DENND1A: variants seen among roughly 807,000 people sequenced by gnomAD.
DENND1A encodes the protein DENN domain-containing protein 1A.
In DENND1A, 51 loss-of-function variants were observed where a neutral mutation model predicts 113.7. That is an observed-to-expected ratio of 0.45 (90% confidence interval 0.36 to 0.57). The LOEUF (loss-of-function observed/expected upper bound fraction) is 0.57. Among genes scored for constraint, DENND1A ranks in the 20% least tolerant of loss-of-function variants. The pLI, the probability that DENND1A is intolerant of heterozygous loss-of-function variation, is 0.00. For synonymous variants in DENND1A, 565 were observed against 570.8 expected, an observed-to-expected ratio of 0.99 and a Z score of 0.14; for missense variants, 1,258 against 1,395.9, an observed-to-expected ratio of 0.90 and a Z score of 1.57.
intron 16 of DENND1A, among the ~76,000 whole-genome samples, chr9:123,453,036 G>A (rs780556652): frequency 5.9e-5 from 9 of 152,148 alleles, no homozygotes; most frequent in Non-Finnish European, 1.0e-4. Context: ...AGGCCTTCCC[G>A]CTCCTAAAAG....
chr9:123,458,004 C>T (rs2048266474), intron 13 of DENND1A, 107 bp from the exon 14 acceptor site: 12 of 568,112 alleles, frequency 2.1e-5, no homozygotes, highest in East Asian at 3.4e-5. Flanking sequence ...TTTTCTTTTC[C>T]TTTTTTTTTT....
At chr9:123,571,873 A>G (rs2136359432) in intron 12 of DENND1A, among the ~76,000 whole-genome samples, 1 of 152,322 alleles carries the variant, frequency 6.6e-6, no homozygotes, top group Non-Finnish European at 1.5e-5. Flanking sequence ...AGATATTGAC[A>G]AACTGTTTTC....
intron 11 of DENND1A, among the ~76,000 whole-genome samples, chr9:123,589,310 T>C (rs918744275): frequency 1.3e-5 from 2 of 152,016 alleles, no homozygotes; most frequent in African/African-American, 2.4e-5. Context: ...TTCCTAGAAG[T>C]GGAATTTAGT....
chr9:123,624,330 G>T (rs1366558220), intron 10 of DENND1A, among the ~76,000 whole-genome samples: 1 of 152,182 alleles, frequency 6.6e-6, no homozygotes, highest in Non-Finnish European at 1.5e-5. Context: ...GGGCATAATA[G>T]AATGAAGTTA....
At chr9:123,860,798 C>T (rs1844953021) in intron 2 of DENND1A, among the ~76,000 whole-genome samples, 1 of 152,216 alleles carries the variant, frequency 6.6e-6, no homozygotes, top group Admixed American at 6.5e-5. Context: ...CTTTACAGTG[C>T]TCGGCACCAC....
At chr9:123,929,619 G>A (rs6478632) in intron 1 of DENND1A, among the ~76,000 whole-genome samples, 10,806 of 152,076 alleles carry the variant, frequency 0.071, 615 homozygotes, top group African/African-American at 0.16. Context: ...CGTAAACCCG[G>A]GGAGGGGGCC....
chr9:123,921,930 T>C (rs1174292236), intron 1 of DENND1A, among the ~76,000 whole-genome samples: 1 of 151,936 alleles, frequency 6.6e-6, no homozygotes, highest in African/African-American at 2.4e-5. Context: ...TTTTTTTCTT[T>C]TTTCTTTTTG....
intron 11 of DENND1A, among the ~76,000 whole-genome samples, chr9:123,598,325 T>A (rs1240811780): frequency 6.6e-6 from 1 of 152,058 alleles, no homozygotes; most frequent in Non-Finnish European, 1.5e-5. Flanking sequence ...CCAAGTCCAG[T>A]TGTGCAGCAG....
chr9:123,575,458 A>G (rs1225485628), intron 12 of DENND1A, among the ~76,000 whole-genome samples: 1 of 152,170 alleles, frequency 6.6e-6, no homozygotes. Flanking sequence ...CCAAATTTGA[A>G]TTTCTCAGAA....
chr9:123,624,928 T>C (rs767863585), intron 10 of DENND1A, among the ~76,000 whole-genome samples: 1 of 152,184 alleles, frequency 6.6e-6, no homozygotes, highest in Non-Finnish European at 1.5e-5. Context: ...AACACTGATT[T>C]GTGAAAATAA....
chr9:123,756,362 G>C (rs10986100), intron 5 of DENND1A, among the ~76,000 whole-genome samples: 10,457 of 152,160 alleles, frequency 0.069, 481 homozygotes, highest in African/African-American at 0.13. Context: ...AACTGAAAGA[G>C]AAATTTTTCT....
chr9:123,719,129 A>G (rs1479293101), intron 5 of DENND1A, among the ~76,000 whole-genome samples: 9 of 152,244 alleles, frequency 5.9e-5, no homozygotes, highest in Non-Finnish European at 1.2e-4. Flanking sequence ...CTGTGAGTCC[A>G]TTAAACCTCT....
chr9:123,846,882 C>T (rs1842696135), intron 2 of DENND1A, among the ~76,000 whole-genome samples: 2 of 152,122 alleles, frequency 1.3e-5, no homozygotes, highest in Admixed American at 1.3e-4. Context: ...TATTACTCCA[C>T]AATTTAAATA....
At chr9:123,443,467 T>C (rs1186826533) in intron 18 of DENND1A, among the ~76,000 whole-genome samples, 1 of 152,242 alleles carries the variant, frequency 6.6e-6, no homozygotes, top group Admixed American at 6.5e-5. Flanking sequence ...AATACACAGA[T>C]GTACCTGCGT....
intron 3 of DENND1A, among the ~76,000 whole-genome samples, chr9:123,788,950 T>C (rs1564273573): frequency 6.6e-6 from 1 of 152,082 alleles, no homozygotes; most frequent in East Asian, 1.9e-4. Flanking sequence ...CAGGATTCTT[T>C]TCAAGTCAGG....
intron 3 of DENND1A, among the ~76,000 whole-genome samples, chr9:123,777,206 G>A (rs1324718441): frequency 6.6e-6 from 1 of 152,174 alleles, no homozygotes; most frequent in Non-Finnish European, 1.5e-5. Flanking sequence ...CCCTCTTTCA[G>A]GGGGGAAAAA....
At chr9:123,729,032 C>T (rs1296101234) in intron 5 of DENND1A, among the ~76,000 whole-genome samples, 2 of 152,140 alleles carry the variant, frequency 1.3e-5, no homozygotes, top group African/African-American at 4.8e-5. Context: ...ATTATCTTAA[C>T]AGATGCAGAA....
chr9:123,872,176 A>G (rs1388382725), intron 2 of DENND1A, among the ~76,000 whole-genome samples: 1 of 152,234 alleles, frequency 6.6e-6, no homozygotes, highest in Non-Finnish European at 1.5e-5. Context: ...GTGGCAAAAA[A>G]AAATAAGCAT....
In DENND1A at chr9:123,542,712, T is replaced by C. The variant is rs555370143; in HGVS notation, c.993+14858A>G. On this transcript the variant is annotated intron_variant, in intron 13 of 23. Coordinates refer to ENST00000394215, the MANE Select transcript of DENND1A (RefSeq NM_001352964.2). ...ACGCTCTCTCTGCTTGGGTGGGCTGTCTAGCAATGGTTCACCTCCTCCCTG... is the reference window on the plus strand; with the variant it reads ...ACGCTCTCTCTGCTTGGGTGGGCTGCCTAGCAATGGTTCACCTCCTCCCTG... 1.2e-3 allele frequency among the ~76,000 whole-genome samples: 181 copies of C among 152,100 alleles called. 1 individual carries two copies. The highest frequency in any genetic ancestry group is 3.8e-3 in the African/African-American group (158 of 41,488).
Sources: gnomAD v4.1 joint callset for allele counts (sites outside exome capture counted in the v4.1 genomes callset) on GRCh38, gnomAD v4.1.1 for gene constraint, MANE v1.5 for transcripts, NCBI Gene and HGNC (gene_info 2026-07-23, HGNC 2026-07-21) for gene names.